Variants in CMIP observed in about 807,000 individuals in gnomAD.
CMIP encodes the protein c-Maf inducing protein, also known as C-Maf-inducing protein.
A neutral mutation model predicts 97.3 loss-of-function variants in CMIP; 13 were observed. The observed-to-expected ratio is 0.13, with a 90% CI of 0.09 to 0.21. CMIP has a LOEUF of 0.21. CMIP is among the 10% of genes least tolerant of loss of function. CMIP has a pLI of 1.00. For synonymous variants in CMIP, 538 were observed against 436.3 expected (o/e 1.23, Z -2.91); for missense variants, 847 against 1,024.9 (o/e 0.83, Z 2.37).
chr16:81,529,279 G>C (rs1041478028), intron 1 of CMIP, among the ~76,000 whole-genome samples: 4 of 152,098 alleles, frequency 2.6e-5, no homozygotes, highest in Non-Finnish European at 5.9e-5. Flanking sequence ...AGGGTAAAGA[G>C]AGAGATTGGG....
intron 1 of CMIP, among the ~76,000 whole-genome samples, chr16:81,594,334 G>C (rs1203977944): frequency 6.6e-6 from 1 of 151,388 alleles, no homozygotes; most frequent in African/African-American, 2.4e-5. Context: ...GTCCAGGCTG[G>C]TCTTGAACTT....
intron 1 of CMIP, among the ~76,000 whole-genome samples, chr16:81,475,578 A>T (rs1303842825): frequency 1.3e-5 from 2 of 152,232 alleles, no homozygotes; most frequent in Non-Finnish European, 2.9e-5. Flanking sequence ...AGGGAACAAA[A>T]CATGGAACCC....
chr16:81,455,576 G>C (rs376813088), intron 1 of CMIP, among the ~76,000 whole-genome samples: 1 of 152,156 alleles, frequency 6.6e-6, no homozygotes, highest in Non-Finnish European at 1.5e-5. Context: ...GGCTCTGTCC[G>C]TACTGAAAGC....
chr16:81,611,081 C>T (rs1000639722), intron 2 of CMIP, among the ~76,000 whole-genome samples: 5 of 152,202 alleles, frequency 3.3e-5, no homozygotes, highest in African/African-American at 1.2e-4. Context: ...AGCAGCCACG[C>T]ATGGCAGCCC....
chr16:81,502,030 C>G (rs990648589), intron 1 of CMIP, among the ~76,000 whole-genome samples: 2 of 152,188 alleles, frequency 1.3e-5, no homozygotes, highest in Admixed American at 1.3e-4. Flanking sequence ...CTACTATATG[C>G]TAGGCCCTAT....
At chr16:81,487,254 C>T (rs2089330347) in intron 1 of CMIP, among the ~76,000 whole-genome samples, 3 of 152,138 alleles carry the variant, frequency 2.0e-5, no homozygotes, top group Admixed American at 1.3e-4. Flanking sequence ...GGAGCCCCAG[C>T]GTGACTTCTT....
intron 1 of CMIP, among the ~76,000 whole-genome samples, chr16:81,534,795 T>A (rs1434550458): frequency 2.6e-5 from 4 of 152,236 alleles, no homozygotes; most frequent in African/African-American, 4.8e-5. Context: ...ATTCACTCAA[T>A]AGTGTGCCCT....
At position 81,678,420 on chromosome 16, in the gene CMIP, T is replaced by G. The variant is rs370956514; in HGVS notation, c.1180T>G (p.Ser394Ala). ...EATLSEARLKSVVVASSEIHV... is the reference protein window; with the variant it reads ...EATLSEARLKAVVVASSEIHV... ...CACGCTGTCTGAGGCCCGGCTCAAG[T>G]CGGTGGTCGTGGCCTCCAGTGAGAT... is the stretch of plus-strand genomic sequence containing the variant. Residue 394 changes from serine (S) to alanine (A), a missense_variant, in exon 10 of 21, where the codon TCG (serine) becomes GCG (alanine). By Grantham distance (99) the Ser-to-Ala change is moderately conservative. Around this residue, in one of 4 missense-constraint regions of CMIP, gnomAD observed 202 missense variants for 168.7 expected, o/e 1.20. Coordinates refer to ENST00000537098, the MANE Select transcript of CMIP (RefSeq NM_198390.3). 9.3e-5 allele frequency: 149 copies of G among 1,595,186 alleles called. No homozygotes were observed. In the Middle Eastern group the frequency reaches 1.5e-3, roughly 16 times the overall value.
chr16:81,509,870 G>A (rs1438234628), intron 1 of CMIP, among the ~76,000 whole-genome samples: 1 of 152,184 alleles, frequency 6.6e-6, no homozygotes, highest in Non-Finnish European at 1.5e-5. Flanking sequence ...TGGTGGGCAG[G>A]AGCATGGAAG....
At chr16:81,588,598 C>T (rs919830499) in intron 1 of CMIP, among the ~76,000 whole-genome samples, 2 of 152,102 alleles carry the variant, frequency 1.3e-5, no homozygotes, top group African/African-American at 4.8e-5. Flanking sequence ...TCAGTAATTG[C>T]CAAAACCCAA....
intron 10 of CMIP, among the ~76,000 whole-genome samples, chr16:81,683,007 C>A (rs1485549163): frequency 1.3e-5 from 2 of 152,226 alleles, no homozygotes; most frequent in African/African-American, 4.8e-5. Context: ...CAGCTCTTTT[C>A]CTGCTGGGCA....
intron 1 of CMIP, among the ~76,000 whole-genome samples, chr16:81,457,167 C>G (rs1906601806): frequency 6.6e-6 from 1 of 150,932 alleles, no homozygotes; most frequent in African/African-American, 2.4e-5. Flanking sequence ...TGCTTGGAAC[C>G]CCTCCGACCC....
intron 1 of CMIP, among the ~76,000 whole-genome samples, chr16:81,589,007 A>G (rs1041991330): frequency 3.9e-5 from 6 of 152,032 alleles, no homozygotes; most frequent in Admixed American, 3.9e-4. Flanking sequence ...CTTTACCATT[A>G]CAACTTGAGA....
chr16:81,506,504 G>A (rs1255323004), intron 1 of CMIP, among the ~76,000 whole-genome samples: 3 of 152,272 alleles, frequency 2.0e-5, no homozygotes, highest in Admixed American at 6.5e-5. Flanking sequence ...AAATAACATT[G>A]GAAAATGGAG....
chr16:81,701,938 A>G (rs1454165749), intron 16 of CMIP, 138 bp downstream of exon 16: 10 of 1,018,002 alleles, frequency 9.8e-6, no homozygotes, highest in Admixed American at 2.3e-5. Context: ...AGAAATTGGT[A>G]TTACCACCTG....
intron 1 of CMIP, among the ~76,000 whole-genome samples, chr16:81,537,285 G>T (rs1299803533): frequency 6.6e-6 from 1 of 151,210 alleles, no homozygotes; most frequent in Non-Finnish European, 1.5e-5. Flanking sequence ...CTGTAATGCC[G>T]GCACTTTGGG....
chr16:81,571,682 G>A (rs1428242110), intron 1 of CMIP, among the ~76,000 whole-genome samples: 1 of 151,910 alleles, frequency 6.6e-6, no homozygotes, highest in African/African-American at 2.4e-5. Context: ...GTACAGACGA[G>A]CAAGCGGTCC....
chr16:81,567,082 G>A (rs1425800564), intron 1 of CMIP, among the ~76,000 whole-genome samples: 1 of 152,186 alleles, frequency 6.6e-6, no homozygotes, highest in Non-Finnish European at 1.5e-5. Context: ...ATGTATGAGC[G>A]ACTTCTCGTA....
At chr16:81,696,410 A>G in intron 13 of CMIP, 150 bp from the exon 14 acceptor site, 1 of 740,242 alleles carries the variant, frequency 1.4e-6, no homozygotes, top group Non-Finnish European at 2.3e-6. Context: ...ATTTGGTGGA[A>G]GGCTGGGGGT....
Sources: allele counts gnomAD v4.1 joint callset (sites outside exome capture counted in the v4.1 genomes callset), GRCh38; gene constraint gnomAD v4.1.1; regional missense constraint gnomAD v4.1.1; transcripts MANE v1.5; gene names NCBI Gene and HGNC (gene_info 2026-07-23, HGNC 2026-07-21).